The following TLN2 variants were observed in gnomAD, a reference collection of about 807,000 sequenced individuals.
TLN2 encodes talin-2.
Under a neutral mutation model 294.7 loss-of-function variants are expected in TLN2, and 118 were observed. That is an observed-to-expected ratio of 0.40 (90% CI 0.34 to 0.47). TLN2 has a LOEUF of 0.47. Among genes scored for constraint, TLN2 ranks in the 20% least tolerant of loss-of-function variants. The pLI, the probability that TLN2 is intolerant of heterozygous loss-of-function variation, is 0.84. For missense variants in TLN2, 3,083 were observed against 3,282.2 expected (o/e 0.94, Z 1.48); for synonymous variants, 1,431 against 1,304.5 (o/e 1.10, Z -2.09).
chr15:62,815,177 T>A (rs1403379786), intron 52 of TLN2, among the ~76,000 whole-genome samples: 1 of 140,592 alleles, frequency 7.1e-6, no homozygotes, highest in Admixed American at 7.1e-5. Context: ...ATTCTGTCTG[T>A]CACACACACA....
chr15:62,549,487 TCCATCCATCC>T (rs2042178085), intron 1 of TLN2, among the ~76,000 whole-genome samples: 3 of 148,522 alleles, frequency 2.0e-5, no homozygotes, highest in African/African-American at 7.8e-5. Context: ...CATGCATCCA[TCCATCCATCC>T]ATCCATCCAT....
intron 1 of TLN2, among the ~76,000 whole-genome samples, chr15:62,531,527 G>A (rs376726269): frequency 6.6e-6 from 1 of 152,010 alleles, no homozygotes; most frequent in African/African-American, 2.4e-5. Flanking sequence ...AGAATGTATT[G>A]GATGTTTCAA....
intron 1 of TLN2, among the ~76,000 whole-genome samples, chr15:62,518,892 C>G (rs946730512): frequency 2.0e-5 from 3 of 152,128 alleles, no homozygotes; most frequent in African/African-American, 7.2e-5. Flanking sequence ...GCCATGGCGT[C>G]CGGCTTGCAA....
intron 54 of TLN2, among the ~76,000 whole-genome samples, chr15:62,825,228 G>A (rs990340186): frequency 1.3e-5 from 2 of 152,174 alleles, no homozygotes; most frequent in East Asian, 1.9e-4. Context: ...AGAGAACACC[G>A]GCTTTGGTTT....
intron 1 of TLN2, among the ~76,000 whole-genome samples, chr15:62,411,428 GATGTGT>G (rs899604686): frequency 1.4e-5 from 1 of 71,776 alleles, no homozygotes; most frequent in African/African-American, 5.1e-5. Context: ...GTGAGTAATG[GATGTGT>G]GTGTGTGTGT....
At chr15:62,626,681 T>G (rs1354379710) in intron 3 of TLN2, among the ~76,000 whole-genome samples, 1 of 152,190 alleles carries the variant, frequency 6.6e-6, no homozygotes, top group African/African-American at 2.4e-5. Context: ...CACCATTTAG[T>G]TCACAAAGGA....
intron 6 of TLN2, among the ~76,000 whole-genome samples, 156 bp downstream of exon 6, chr15:62,652,290 C>T (rs1220753191): frequency 1.3e-5 from 2 of 152,208 alleles, no homozygotes; most frequent in East Asian, 1.9e-4. Context: ...ATTCTCCCAA[C>T]TTGCCAATCC....
intron 33 of TLN2, among the ~76,000 whole-genome samples, chr15:62,748,909 C>G (rs565082832): frequency 2.1e-4 from 32 of 152,358 alleles, no homozygotes; most frequent in African/African-American, 7.0e-4. Flanking sequence ...TAAGAGGAAT[C>G]CTAGGACTAA....
intron 1 of TLN2, among the ~76,000 whole-genome samples, chr15:62,446,233 C>T (rs868519220): frequency 2.0e-5 from 3 of 151,444 alleles, no homozygotes; most frequent in East Asian, 2.0e-4. Flanking sequence ...CTCCTGACCT[C>T]GTCATCCGCC....
At chr15:62,669,972 C>T (rs2055199834) in intron 9 of TLN2, among the ~76,000 whole-genome samples, 1 of 152,136 alleles carries the variant, frequency 6.6e-6, no homozygotes, top group African/African-American at 2.4e-5. Context: ...TTTAGTAACT[C>T]CTGAAGACTG....
intron 3 of TLN2, chr15:62,637,497 A>C (rs1349477739): frequency 6.6e-6 from 1 of 151,732 alleles, no homozygotes; most frequent in Non-Finnish European, 1.5e-5. Flanking sequence ...TTCGACAAAA[A>C]ACGACAGTAT....
chr15:62,625,169 T>G (rs985720465), intron 3 of TLN2, among the ~76,000 whole-genome samples: 2 of 152,122 alleles, frequency 1.3e-5, no homozygotes, highest in African/African-American at 4.8e-5. Flanking sequence ...CACACAGAAC[T>G]GTGGGGCTTG....
chr15:62,541,996 C>G (rs564660410), intron 1 of TLN2, among the ~76,000 whole-genome samples: 2 of 151,616 alleles, frequency 1.3e-5, no homozygotes, highest in African/African-American at 4.8e-5. Context: ...GAACCCTTGG[C>G]GAATACTTTC....
Position 62,638,207 on chromosome 15 carries a change from A to G in TLN2, c.-36-9068A>G, listed in dbSNP as rs536610122. Reference sequence around the variant, plus strand: ...CTTACTGCCCTTTCTCCACTGTGCCAGAGTTCTAGTGTGTTCTGTAGTGCA... The same window carrying G: ...CTTACTGCCCTTTCTCCACTGTGCCGGAGTTCTAGTGTGTTCTGTAGTGCA... On this transcript the variant is annotated intron_variant, in intron 3 of 58. Transcript: ENST00000636159. 5.3e-4 allele frequency: 105 copies of G among 197,358 alleles called. 1 individual carries two copies. The Middle Eastern group carries it at 8.3e-3, about 16-fold the overall frequency. The allele number at this position is 197,358 out of a possible 1,614,324, so 12.2% of individuals were successfully genotyped here.
chr15:62,611,086 C>A (rs1055740267), intron 2 of TLN2, among the ~76,000 whole-genome samples: 1 of 152,108 alleles, frequency 6.6e-6, no homozygotes, highest in Non-Finnish European at 1.5e-5. Flanking sequence ...GGGCAAGAAG[C>A]AAGAGGGATG....
intron 1 of TLN2, among the ~76,000 whole-genome samples, chr15:62,470,209 G>A (rs2037387522): frequency 6.6e-6 from 1 of 152,180 alleles, no homozygotes; most frequent in Non-Finnish European, 1.5e-5. Context: ...CACAGTCAGT[G>A]TTTCCAACCT....
At chr15:62,400,332 A>AG (rs1359478069) in intron 1 of TLN2, among the ~76,000 whole-genome samples, 1 of 152,244 alleles carries the variant, frequency 6.6e-6, no homozygotes, top group African/African-American at 2.4e-5. Context: ...GGATTAATAC[A>AG]GGTGAAAGTT....
At chr15:62,453,766 C>T (rs1271972181) in intron 1 of TLN2, 1 of 152,282 alleles carries the variant, frequency 6.6e-6, no homozygotes, top group East Asian at 1.9e-4. Context: ...CATTGAATCC[C>T]TCTCTCTGTG....
At chr15:62,591,985 C>T (rs1245653283) in intron 2 of TLN2, among the ~76,000 whole-genome samples, 2 of 151,998 alleles carry the variant, frequency 1.3e-5, no homozygotes. Context: ...AGATCTATGC[C>T]GTTACCAAGA....
Sources: allele counts gnomAD v4.1 joint callset (sites outside exome capture counted in the v4.1 genomes callset), GRCh38; gene constraint gnomAD v4.1.1; transcripts MANE v1.5; gene names NCBI Gene and HGNC (gene_info 2026-07-23, HGNC 2026-07-21).